The following FAM110B variants were observed in gnomAD, a reference collection of about 807,000 sequenced individuals.
FAM110B encodes the protein family with sequence similarity 110 member B.
Under a neutral mutation model 20.4 loss-of-function variants are expected in FAM110B, and 6 were observed. The observed-to-expected ratio is 0.29, with a 90% CI of 0.16 to 0.58. FAM110B has a LOEUF of 0.58. Among genes scored for constraint, FAM110B ranks in the 20% least tolerant of loss-of-function variants. The pLI, the probability that FAM110B is intolerant of heterozygous loss-of-function variation, is 0.90. For missense variants in FAM110B, 434 were observed against 498.2 expected, an observed-to-expected ratio of 0.87 and a Z score of 1.23; for synonymous variants, 226 against 214.1, an observed-to-expected ratio of 1.06 and a Z score of -0.49.
intron 1 of FAM110B, among the ~76,000 whole-genome samples, chr8:58,026,426 A>G (rs1304858670): frequency 6.6e-6 from 1 of 151,868 alleles, no homozygotes; most frequent in Non-Finnish European, 1.5e-5. Flanking sequence ...ATGTAGTTTG[A>G]TTATTATTTT....
intron 1 of FAM110B, among the ~76,000 whole-genome samples, chr8:58,011,377 T>C (rs1252792062): frequency 6.6e-6 from 1 of 152,190 alleles, no homozygotes; most frequent in African/African-American, 2.4e-5. Flanking sequence ...AGCATCCTTT[T>C]CTAATAAGCA....
chr8:58,132,343 G>C (rs1803494150), intron 3 of FAM110B, among the ~76,000 whole-genome samples: 1 of 152,090 alleles, frequency 6.6e-6, no homozygotes, highest in Non-Finnish European at 1.5e-5. Context: ...TGTGAAAGCA[G>C]CATGGGGCTT....
chr8:58,128,249 A>C (rs1208945231), intron 3 of FAM110B, among the ~76,000 whole-genome samples: 1 of 152,146 alleles, frequency 6.6e-6, no homozygotes, highest in Non-Finnish European at 1.5e-5. Context: ...CACAGAGCTA[A>C]AAGACAGGGA....
chr8:58,090,681 C>G (rs1195230447), intron 3 of FAM110B, among the ~76,000 whole-genome samples: 2 of 152,064 alleles, frequency 1.3e-5, no homozygotes, highest in Non-Finnish European at 2.9e-5. Flanking sequence ...ATTCAAGGGT[C>G]CACTCTAGTT....
At chr8:58,136,521 T>C (rs545820639) in intron 3 of FAM110B, among the ~76,000 whole-genome samples, 1 of 152,312 alleles carries the variant, frequency 6.6e-6, no homozygotes, top group East Asian at 1.9e-4. Context: ...GCATTCTTAT[T>C]GTATTTGCGT....
At chr8:58,140,105 A>G (rs991914174) in intron 3 of FAM110B, among the ~76,000 whole-genome samples, 1 of 152,102 alleles carries the variant, frequency 6.6e-6, no homozygotes, top group East Asian at 1.9e-4. Flanking sequence ...GTGCAGAGGA[A>G]GAAGGGAACA....
At chr8:58,124,807 T>A (rs563327196) in intron 3 of FAM110B, among the ~76,000 whole-genome samples, 1 of 152,330 alleles carries the variant, frequency 6.6e-6, no homozygotes, top group East Asian at 1.9e-4. Flanking sequence ...TTAGGAAATG[T>A]CAAATATGGT....
intron 3 of FAM110B, among the ~76,000 whole-genome samples, chr8:58,130,495 G>A (rs1209457144): frequency 6.6e-6 from 1 of 152,140 alleles, no homozygotes. Flanking sequence ...TATAGGCACA[G>A]TTTACATTTT....
intron 3 of FAM110B, among the ~76,000 whole-genome samples, chr8:58,077,458 A>AG (rs1782288844): frequency 6.6e-6 from 1 of 152,176 alleles, no homozygotes; most frequent in South Asian, 2.1e-4. Flanking sequence ...TGCTGACTGC[A>AG]GTTGAGTTTG....
chr8:58,098,328 G>A (rs1806686756), intron 3 of FAM110B, among the ~76,000 whole-genome samples: 1 of 152,226 alleles, frequency 6.6e-6, no homozygotes. Flanking sequence ...CTTCCTGGCA[G>A]CTTTGTTTAT....
chr8:58,004,300 C>T (rs973806730), intron 1 of FAM110B, among the ~76,000 whole-genome samples: 3 of 152,186 alleles, frequency 2.0e-5, no homozygotes, highest in South Asian at 2.1e-4. Flanking sequence ...AATATAAGGC[C>T]ATTTTGTCTA....
intron 1 of FAM110B, among the ~76,000 whole-genome samples, chr8:58,018,595 T>A (rs1168139855): frequency 6.6e-6 from 1 of 152,196 alleles, no homozygotes; most frequent in Non-Finnish European, 1.5e-5. Flanking sequence ...TTAGTCCATT[T>A]ACATTGATTG....
intron 1 of FAM110B, among the ~76,000 whole-genome samples, chr8:57,995,857 C>T (rs1357747480): frequency 6.6e-6 from 1 of 152,236 alleles, no homozygotes; most frequent in Non-Finnish European, 1.5e-5. Context: ...ATCTGGCACA[C>T]ATCTGTGACA....
intron 1 of FAM110B, among the ~76,000 whole-genome samples, chr8:58,019,910 A>T (rs534155064): frequency 2.6e-4 from 40 of 152,164 alleles, no homozygotes; most frequent in African/African-American, 9.6e-4. Flanking sequence ...ATTTGTTCAC[A>T]TATTTTTAAT....
At chr8:58,102,868 TACTG>T (rs2150612478) in intron 3 of FAM110B, among the ~76,000 whole-genome samples, 1 of 152,260 alleles carries the variant, frequency 6.6e-6, no homozygotes, top group Non-Finnish European at 1.5e-5. Flanking sequence ...ACAAGATGGA[TACTG>T]ATCAGTTACT....
intron 1 of FAM110B, among the ~76,000 whole-genome samples, chr8:58,001,534 C>T (rs1804295705): frequency 6.6e-6 from 1 of 152,084 alleles, no homozygotes; most frequent in Admixed American, 6.5e-5. Flanking sequence ...AGGTATTTTT[C>T]ATTCCAGGAT....
chr8:58,120,443 T>C (rs1042842486), intron 3 of FAM110B, among the ~76,000 whole-genome samples: 2 of 152,204 alleles, frequency 1.3e-5, no homozygotes, highest in Non-Finnish European at 2.9e-5. Flanking sequence ...TAAGGAATAA[T>C]GGAGAATGTA....
intron 3 of FAM110B, among the ~76,000 whole-genome samples, chr8:58,119,229 C>G (rs1474082569): frequency 6.6e-6 from 1 of 152,112 alleles, no homozygotes; most frequent in Admixed American, 6.5e-5. Context: ...TAGCAAAATA[C>G]CTTGGACTGG....
intron 1 of FAM110B, among the ~76,000 whole-genome samples, chr8:57,999,892 T>C (rs1208751945): frequency 1.3e-5 from 2 of 152,242 alleles, no homozygotes; most frequent in East Asian, 1.9e-4. Context: ...TGTTTGGGCA[T>C]GTGTGGGACT....
Sources: allele counts gnomAD v4.1 joint callset (sites outside exome capture counted in the v4.1 genomes callset), GRCh38; gene constraint gnomAD v4.1.1; transcripts MANE v1.5; gene names NCBI Gene and HGNC (gene_info 2026-07-23, HGNC 2026-07-21).